CDC42BPA: variants seen among roughly 807,000 people sequenced by gnomAD.
CDC42BPA encodes the protein CDC42 binding protein kinase alpha, also known as serine/threonine-protein kinase MRCK alpha.
CDC42BPA carries 80 observed loss-of-function variants against 223.5 expected under a neutral mutation model. That is an observed-to-expected ratio of 0.36 (90% CI 0.30 to 0.43). CDC42BPA has a LOEUF of 0.43. Ranked by LOEUF, CDC42BPA falls within the 20% of genes least tolerant of loss-of-function variation. CDC42BPA has a pLI of 1.00. For missense variants in CDC42BPA, 1,743 were observed against 2,099.9 expected (o/e 0.83, Z 3.32); for synonymous variants, 694 against 718.6 (o/e 0.97, Z 0.55).
chr1:227,253,259 CGAGAGAGA>C (rs150466644), intron 2 of CDC42BPA, among the ~76,000 whole-genome samples: 14 of 116,544 alleles, frequency 1.2e-4, no homozygotes, highest in African/African-American at 5.0e-4. Context: ...AGAGAGAGAG[CGAGAGAGA>C]GCGCGCGCGC....
Position 226,994,508 on chromosome 1 carries a change from G to T in CDC42BPA, c.5134-109C>A. On this transcript the variant is annotated intron_variant, in intron 36 of 36. Transcript: ENST00000366766. The surrounding 1 kb of genome is among the most constrained non-coding windows in gnomAD (Gnocchi z 4.0). ...AGCCACCCTGACCAAATAACCCCAT[G>T]GGGCGGCCTCACTGTCGGTATAAAG... 7.6e-7 allele frequency: 1 copy of T among 1,313,312 alleles called. No homozygotes were observed. Among genetic ancestry groups the T allele is most frequent in the African/African-American group, 1.5e-5 (1 of 66,852 alleles). The allele number at this position is 1,313,312 out of a possible 1,614,324, so 81.4% of individuals were successfully genotyped here.
intron 1 of CDC42BPA, among the ~76,000 whole-genome samples, chr1:227,302,894 G>C (rs1016356986): frequency 1.4e-5 from 2 of 147,854 alleles, no homozygotes; most frequent in African/African-American, 5.2e-5. Flanking sequence ...TAATTTCAAA[G>C]AACTTTTTTC....
In CDC42BPA at chr1:227,318,041, C is replaced by T; in HGVS notation, c.-859G>A. 1 of 339,292 alleles carries T rather than the reference C, an allele frequency of 2.9e-6. No homozygotes were observed. The highest frequency in any genetic ancestry group is 5.3e-6 in the Non-Finnish European group (1 of 188,846). The allele number at this position is 339,292 out of a possible 1,614,324, so 21.0% of individuals were successfully genotyped here. A position where few individuals can be genotyped will look rare whatever the true frequency, so the allele number is the denominator to read the frequency against. ...GCTACTTGGCCGCCCGAGCCCACTCCATGTCGGTGGTCGCTCGTGGGCCGA... is the reference window on the plus strand; with the variant it reads ...GCTACTTGGCCGCCCGAGCCCACTCTATGTCGGTGGTCGCTCGTGGGCCGA... On this transcript the variant is annotated 5_prime_UTR_variant, in exon 1 of 37. The change abolishes an upstream ATG in the 5' untranslated region. Transcript: ENST00000366766.
intron 16 of CDC42BPA, among the ~76,000 whole-genome samples, chr1:227,087,376 C>T (rs553751693): frequency 4.1e-5 from 6 of 144,856 alleles, no homozygotes; most frequent in African/African-American, 1.6e-4. Context: ...AATGTAAGAA[C>T]TTATTTTTGG....
At chr1:227,193,417 TATTGTGTG>T (rs1670101008) in intron 5 of CDC42BPA, among the ~76,000 whole-genome samples, 1 of 151,974 alleles carries the variant, frequency 6.6e-6, no homozygotes. Flanking sequence ...TACATGGACA[TATTGTGTG>T]GTTGTGAGTT....
At chr1:227,169,573 T>C (rs142343677) in intron 5 of CDC42BPA, among the ~76,000 whole-genome samples, 46 of 152,218 alleles carry the variant, frequency 3.0e-4, no homozygotes, top group African/African-American at 1.0e-3. Context: ...CTAACAAACA[T>C]AGTTTCCCCA....
intron 17 of CDC42BPA, among the ~76,000 whole-genome samples, chr1:227,075,965 TC>T (rs1161760112): frequency 1.3e-5 from 2 of 152,210 alleles, no homozygotes; most frequent in South Asian, 4.1e-4. Flanking sequence ...ATCTCTTTTT[TC>T]TAACTTTGCT....
At chr1:227,051,803 G>T in intron 22 of CDC42BPA, 78 bp downstream of exon 22, 2 of 770,562 alleles carry the variant, frequency 2.6e-6, no homozygotes, top group Non-Finnish European at 4.2e-6. Flanking sequence ...AGAGGAGAGA[G>T]ACAGACTTGT....
At chr1:227,139,440 T>C in intron 10 of CDC42BPA, 136 bp downstream of exon 10, 1 of 549,796 alleles carries the variant, frequency 1.8e-6, no homozygotes, top group Admixed American at 3.3e-5. Flanking sequence ...TGCTGTGTTC[T>C]GCATACATCT....
At chr1:227,091,312 T>G (rs1192400336) in intron 16 of CDC42BPA, among the ~76,000 whole-genome samples, 1 of 152,128 alleles carries the variant, frequency 6.6e-6, no homozygotes, top group Non-Finnish European at 1.5e-5. Context: ...AGGTGGGGCC[T>G]GGGGGGAGGT....
chr1:227,189,727 G>C (rs1460151724), intron 5 of CDC42BPA, among the ~76,000 whole-genome samples: 1 of 152,098 alleles, frequency 6.6e-6, no homozygotes, highest in African/African-American at 2.4e-5. Flanking sequence ...TCATATGCGA[G>C]TTTTTGTGCT....
At chr1:227,271,243 A>G (rs1299738303) in intron 1 of CDC42BPA, among the ~76,000 whole-genome samples, 1 of 152,192 alleles carries the variant, frequency 6.6e-6, no homozygotes, top group Non-Finnish European at 1.5e-5. Context: ...ACTAAATCAG[A>G]GCAAGATCTA....
At chr1:227,075,936 T>C (rs1364496741) in intron 17 of CDC42BPA, among the ~76,000 whole-genome samples, 2 of 152,236 alleles carry the variant, frequency 1.3e-5, no homozygotes, top group African/African-American at 4.8e-5. Flanking sequence ...CTTTAAGTTA[T>C]TTGGAATTTT....
chr1:227,227,834 T>TA (rs35103092), intron 2 of CDC42BPA, among the ~76,000 whole-genome samples: 42,751 of 151,386 alleles, frequency 0.28, 6,136 homozygotes, highest in East Asian at 0.37. Context: ...AGGTCCATAT[T>TA]AAAAAAAAAT....
chr1:227,217,184 T>C (rs893830543), intron 2 of CDC42BPA, among the ~76,000 whole-genome samples: 2 of 152,074 alleles, frequency 1.3e-5, no homozygotes, highest in African/African-American at 4.8e-5. Context: ...ACATGGCTCA[T>C]GTCTGTAATC....
chr1:227,263,614 G>A (rs1047864369), intron 1 of CDC42BPA, among the ~76,000 whole-genome samples: 3 of 141,598 alleles, frequency 2.1e-5, no homozygotes, highest in Admixed American at 7.3e-5. Context: ...ACGGAGTCTC[G>A]CTCTGCACCC....
At chr1:227,041,042 A>AAT (rs1199942288) in intron 23 of CDC42BPA, among the ~76,000 whole-genome samples, 1 of 152,218 alleles carries the variant, frequency 6.6e-6, no homozygotes, top group Non-Finnish European at 1.5e-5. Flanking sequence ...CCTTATCTAC[A>AAT]AAACAGGATA....
intron 2 of CDC42BPA, among the ~76,000 whole-genome samples, chr1:227,244,073 C>T (rs1053822915): frequency 6.6e-6 from 1 of 150,492 alleles, no homozygotes; most frequent in African/African-American, 2.4e-5. Context: ...GACCTTTATA[C>T]ACTGTTGACG....
At chr1:227,014,913 T>A (rs1013009281) in intron 34 of CDC42BPA, among the ~76,000 whole-genome samples, 2 of 152,198 alleles carry the variant, frequency 1.3e-5, no homozygotes, top group Admixed American at 6.5e-5. Context: ...ACATGACCGG[T>A]CTGAGAGCCT....
Sources: allele counts gnomAD v4.1 joint callset (sites outside exome capture counted in the v4.1 genomes callset), GRCh38; gene constraint gnomAD v4.1.1; non-coding constraint Gnocchi (gnomAD v3.1); transcripts MANE v1.5; gene names NCBI Gene and HGNC (gene_info 2026-07-23, HGNC 2026-07-21).